The following SLC30A8 variants were observed in gnomAD, a reference collection of about 807,000 sequenced individuals.
SLC30A8 encodes the protein proton-coupled zinc antiporter SLC30A8.
In SLC30A8, 27 loss-of-function variants were observed where a neutral mutation model predicts 36.9. The observed-to-expected ratio is 0.73, with a 90% CI of 0.54 to 1.01. The LOEUF (loss-of-function observed/expected upper bound fraction) is 1.01, where lower values mean the gene tolerates loss of function less well. SLC30A8 is among the 50% of genes least tolerant of loss of function. The probability of loss-of-function intolerance (pLI) is 0.00; values close to 1 mark genes in which losing one functional copy is unlikely to be tolerated. For synonymous variants in SLC30A8, 164 were observed against 172.4 expected (o/e 0.95, Z 0.38); for missense variants, 439 against 452.0 (o/e 0.97, Z 0.26).
At chr8:117,057,044 A>G (rs1021122920) in intron 2 of SLC30A8, among the ~76,000 whole-genome samples, 12 of 152,202 alleles carry the variant, frequency 7.9e-5, no homozygotes, top group Admixed American at 5.2e-4. Flanking sequence ...ACAAAATACC[A>G]TAAACCATGT....
intron 2 of SLC30A8, among the ~76,000 whole-genome samples, chr8:117,124,933 G>T (rs1820839765): frequency 6.6e-6 from 1 of 151,702 alleles, no homozygotes; most frequent in Admixed American, 6.6e-5. Context: ...TAAAATAAAA[G>T]TTGAAATAAA....
intron 1 of SLC30A8, among the ~76,000 whole-genome samples, chr8:117,032,336 G>C (rs114231187): frequency 0.013 from 2,018 of 152,236 alleles, 50 homozygotes; most frequent in African/African-American, 0.046. Flanking sequence ...TCTGTAATCA[G>C]TTCACCATGC....
chr8:116,985,293 TACACAC>T (rs71305454), intron 1 of SLC30A8, among the ~76,000 whole-genome samples: 2,266 of 140,282 alleles, frequency 0.016, 29 homozygotes, highest in East Asian at 0.045. Context: ...CTCACACACA[TACACAC>T]ACACACACAC....
intron 2 of SLC30A8, among the ~76,000 whole-genome samples, chr8:117,096,670 A>G (rs1819379602): frequency 6.6e-6 from 1 of 152,134 alleles, no homozygotes; most frequent in African/African-American, 2.4e-5. Flanking sequence ...GATAATAAAC[A>G]CCAGTTTAAA....
intron 1 of SLC30A8, among the ~76,000 whole-genome samples, chr8:116,978,899 A>G (rs1368292989): frequency 3.3e-5 from 5 of 152,088 alleles, no homozygotes; most frequent in East Asian, 1.9e-4. Flanking sequence ...CTACCTGTGA[A>G]GGGCTGTATC....
At chr8:117,076,038 T>C (rs975514517) in intron 2 of SLC30A8, among the ~76,000 whole-genome samples, 10 of 152,248 alleles carry the variant, frequency 6.6e-5, no homozygotes, top group Non-Finnish European at 2.9e-5. Context: ...TGCTTCCTTC[T>C]TCCTCTCTCT....
At position 117,157,655 on chromosome 8, in the gene SLC30A8, CTGTGTGTGGGTTTCTG is replaced by C; in HGVS notation, c.419-28_419-13del. The C allele has an allele frequency of 6.2e-7, 1 of 1,610,214 alleles. No homozygotes were observed. The highest frequency in any genetic ancestry group is 8.5e-7 in the Non-Finnish European group (1 of 1,177,826). On this transcript the variant is annotated intron_variant, in intron 3 of 7. Coordinates refer to ENST00000456015, the MANE Select transcript of SLC30A8 (RefSeq NM_173851.3). ...GTGTAGGTGTAGGTGATGGAGTTAT[CTGTGTGTGGGTTTCTG>C]TGTGTGTTTGAATTCCTAGAGATCC...
intron 1 of SLC30A8, among the ~76,000 whole-genome samples, chr8:117,013,883 A>G (rs961398807): frequency 1.3e-5 from 2 of 152,210 alleles, no homozygotes; most frequent in Non-Finnish European, 2.9e-5. Context: ...ATTAATCATT[A>G]TCAGTCATTT....
chr8:117,115,701 G>A (rs547561853), intron 2 of SLC30A8, among the ~76,000 whole-genome samples: 1 of 152,198 alleles, frequency 6.6e-6, no homozygotes, highest in African/African-American at 2.4e-5. Flanking sequence ...ACAGTTGGAG[G>A]TCTGAAGATG....
chr8:117,039,482 G>A (rs1313945734), intron 2 of SLC30A8, among the ~76,000 whole-genome samples: 2 of 152,058 alleles, frequency 1.3e-5, no homozygotes, highest in Non-Finnish European at 2.9e-5. Context: ...CACATTCTAT[G>A]CAGCTCAAAT....
intron 1 of SLC30A8, among the ~76,000 whole-genome samples, chr8:117,006,744 G>C (rs913396460): frequency 2.0e-5 from 3 of 147,742 alleles, no homozygotes; most frequent in African/African-American, 7.4e-5. Flanking sequence ...CGGCTAGTTA[G>C]TGCTAAGACT....
At chr8:116,955,746 G>A (rs74886204) in intron 1 of SLC30A8, among the ~76,000 whole-genome samples, 2,183 of 151,148 alleles carry the variant, frequency 0.014, 62 homozygotes, top group African/African-American at 0.05. Flanking sequence ...TAAAAAAAAA[G>A]AAAACAAAAA....
upstream of SLC30A8, among the ~76,000 whole-genome samples, chr8:117,134,263 G>T (rs985338202): frequency 6.6e-6 from 1 of 151,912 alleles, no homozygotes; most frequent in Non-Finnish European, 1.5e-5. Context: ...CAAGGAAAAG[G>T]CAACAAGAAC....
chr8:116,978,262 A>T (rs1815121846), intron 1 of SLC30A8, among the ~76,000 whole-genome samples: 1 of 152,122 alleles, frequency 6.6e-6, no homozygotes, highest in Non-Finnish European at 1.5e-5. Context: ...ATTATTATTA[A>T]TAATGAATAT....
chr8:117,131,962 A>C (rs1821156108), upstream of SLC30A8, among the ~76,000 whole-genome samples: 1 of 151,990 alleles, frequency 6.6e-6, no homozygotes, highest in Non-Finnish European at 1.5e-5. Context: ...AAAATTGTCT[A>C]CCTAACTAAC....
chr8:117,068,262 T>A (rs1818227312), intron 2 of SLC30A8, among the ~76,000 whole-genome samples: 1 of 152,160 alleles, frequency 6.6e-6, no homozygotes. Flanking sequence ...GGGAGCCAAC[T>A]CCTCTGAGCC....
At chr8:117,035,992 G>A (rs189481529) in intron 1 of SLC30A8, among the ~76,000 whole-genome samples, 2 of 152,214 alleles carry the variant, frequency 1.3e-5, no homozygotes, top group African/African-American at 2.4e-5. Context: ...CCAGGCTTGT[G>A]ATGGGATCAG....
At chr8:116,988,497 G>A (rs1220956229) in intron 1 of SLC30A8, among the ~76,000 whole-genome samples, 4 of 152,134 alleles carry the variant, frequency 2.6e-5, no homozygotes, top group Middle Eastern at 3.4e-3. Context: ...GCGGTGCTTT[G>A]GCCCCGTTCA....
intron 2 of SLC30A8, among the ~76,000 whole-genome samples, chr8:117,092,336 A>T (rs1819168375): frequency 6.6e-6 from 1 of 152,006 alleles, no homozygotes; most frequent in African/African-American, 2.4e-5. Context: ...TTAAATTTTT[A>T]TTTTTTCTTT....
Sources: gnomAD v4.1 joint callset for allele counts (sites outside exome capture counted in the v4.1 genomes callset) on GRCh38, gnomAD v4.1.1 for gene constraint, MANE v1.5 for transcripts, NCBI Gene and HGNC (gene_info 2026-07-23, HGNC 2026-07-21) for gene names.